Variants in RBM44 observed in about 807,000 individuals in gnomAD.
RBM44 encodes the protein RNA-binding protein 44.
A neutral mutation model predicts 105.1 loss-of-function variants in RBM44; 66 were observed. That is an observed-to-expected ratio of 0.63 (90% CI 0.52 to 0.77). The LOEUF (loss-of-function observed/expected upper bound fraction) is 0.77, where lower values mean the gene tolerates loss of function less well. RBM44 is among the 30% of genes least tolerant of loss of function. The pLI is 0.00. For missense variants in RBM44, 1,122 were observed against 1,207.8 expected (o/e 0.93, Z 1.05); for synonymous variants, 365 against 417.6 (o/e 0.87, Z 1.54).
intron 13 of RBM44, among the ~76,000 whole-genome samples, chr2:237,833,650 A>C (rs1281742072): frequency 1.3e-5 from 2 of 152,204 alleles, no homozygotes; most frequent in Non-Finnish European, 2.9e-5. Flanking sequence ...TGTGCATCCA[A>C]AATGAAACTA....
chr2:237,805,393 G>C (rs1481016731), intron 1 of RBM44, among the ~76,000 whole-genome samples: 1 of 152,130 alleles, frequency 6.6e-6, no homozygotes, highest in African/African-American at 2.4e-5. Context: ...AATAAATATT[G>C]TAAAAATGGC....
chr2:237,800,368 C>T (rs1205720961), intron 1 of RBM44, among the ~76,000 whole-genome samples: 2 of 152,024 alleles, frequency 1.3e-5, no homozygotes, highest in African/African-American at 4.8e-5. Flanking sequence ...GATAATAGAC[C>T]TCTATCGCAT....
intron 10 of RBM44, among the ~76,000 whole-genome samples, chr2:237,825,467 A>C (rs989716125): frequency 2.2e-4 from 34 of 152,180 alleles, no homozygotes; most frequent in African/African-American, 8.0e-4. Flanking sequence ...CAGCCTCCTG[A>C]AGTGCTGGGA....
At chr2:237,839,464 T>C (rs541282214) in intron 15 of RBM44, among the ~76,000 whole-genome samples, 1 of 152,124 alleles carries the variant, frequency 6.6e-6, no homozygotes, top group Non-Finnish European at 1.5e-5. Flanking sequence ...AGAGACGGGG[T>C]TTCACCATGT....
intron 13 of RBM44, among the ~76,000 whole-genome samples, chr2:237,830,124 T>C (rs80255280): frequency 0.013 from 2,006 of 152,314 alleles, 48 homozygotes; most frequent in African/African-American, 0.046. Flanking sequence ...GAGAATTATC[T>C]TGTGCTCTGA....
chr2:237,837,841 C>G (rs1464379027), intron 15 of RBM44, among the ~76,000 whole-genome samples: 4 of 151,284 alleles, frequency 2.6e-5, no homozygotes, highest in Non-Finnish European at 5.9e-5. Flanking sequence ...CAGTCTACTA[C>G]TGGTGAACAT....
Position 237,803,303 on chromosome 2 carries a change from A to ACACACACACACACACATACTCTCTCTCT in RBM44, c.-19+4457_-19+4484dup, listed in dbSNP as rs2150966038. On this transcript the variant is annotated intron_variant, in intron 1 of 15. Transcript: ENST00000316997. This position sits in a 1 kb window ranked among gnomAD's most constrained non-coding sequence, Gnocchi z 4.2. ...CTCTGTCTCTGGGTGACAGAGCGAG[A>ACACACACACACACACATACTCTCTCTCT]CACACACACACACACATACTCTCTC... 7.3e-6 allele frequency among the ~76,000 whole-genome samples: 1 copy of ACACACACACACACACATACTCTCTCTCT among 136,074 alleles called. No homozygotes were observed. The highest frequency in any genetic ancestry group is 2.0e-4 in the East Asian group (1 of 5,098). 89.3% of individuals were successfully genotyped at this position (136,074 alleles called of 152,430 possible). A position where few individuals can be genotyped will look rare whatever the true frequency, so the allele number is the denominator to read the frequency against.
At chr2:237,832,879 C>T (rs953771810) in intron 13 of RBM44, among the ~76,000 whole-genome samples, 2 of 152,188 alleles carry the variant, frequency 1.3e-5, no homozygotes, top group African/African-American at 2.4e-5. Flanking sequence ...TTCTGAGCTT[C>T]CTTATCTTAA....
Position 237,817,525 on chromosome 2 carries a change from T to C in RBM44, c.606T>C (p.Ser202=). The C allele has an allele frequency of 6.2e-7, 1 of 1,609,882 alleles. No individual in the cohort carries two copies. Residue 202 remains serine, a synonymous_variant, in exon 3 of 16, where the codon TCT becomes TCC. Coordinates refer to ENST00000316997, the MANE Select transcript of RBM44 (RefSeq NM_001080504.3). ...EEQEYISNHL[S]FDQTKALDIS... ...AAGAATACATAAGTAACCATTTATC[T>C]TTTGACCAAACAAAAGCATTAGATA...
intron 2 of RBM44, among the ~76,000 whole-genome samples, chr2:237,815,380 C>G (rs905606884): frequency 6.6e-6 from 1 of 152,038 alleles, no homozygotes; most frequent in Non-Finnish European, 1.5e-5. Context: ...TTATCCTCAT[C>G]GTCCTCCTCA....
chr2:237,813,160 C>T (rs2061675775), intron 1 of RBM44, among the ~76,000 whole-genome samples: 1 of 152,170 alleles, frequency 6.6e-6, no homozygotes. Context: ...TACTAATATA[C>T]TTTCTCTATA....
chr2:237,825,892 T>C (rs1333323535), intron 10 of RBM44, among the ~76,000 whole-genome samples: 2 of 152,156 alleles, frequency 1.3e-5, no homozygotes, highest in Non-Finnish European at 2.9e-5. Context: ...TTCAAAGAGA[T>C]TAACAAATAA....
At chr2:237,838,561 AT>A (rs2061981333) in intron 15 of RBM44, among the ~76,000 whole-genome samples, 1 of 152,208 alleles carries the variant, frequency 6.6e-6, no homozygotes, top group Non-Finnish European at 1.5e-5. Context: ...GAAAATACTA[AT>A]ACATAAGTTG....
chr2:237,819,947 A>G (rs1423751903), intron 4 of RBM44, among the ~76,000 whole-genome samples: 1 of 151,980 alleles, frequency 6.6e-6, no homozygotes, highest in Admixed American at 6.6e-5. Flanking sequence ...AAAAGAAAGT[A>G]TGAATTTGAG....
At position 237,823,554 on chromosome 2, in the gene RBM44, G is replaced by C; in HGVS notation, c.2320G>C (p.Asp774His). ...TAGTCAACTGAAACTTGGTGATAAA[G>C]GTTAGTATAAAAATGTGTTATCTTG... ...DFSQLKLGDK[D>H]CRHYQETSED... The change falls in exon 9 of 16, where the codon GAC (aspartate) becomes CAC (histidine). Residue 774 changes from aspartate to histidine, a missense_variant and splice_region_variant. Coordinates refer to ENST00000316997, the MANE Select transcript of RBM44 (RefSeq NM_001080504.3). 7.3e-7 allele frequency: 1 copy of C among 1,361,710 alleles called. No individual in the cohort carries two copies. The highest frequency in any genetic ancestry group is 1.3e-5 in the South Asian group (1 of 79,650). 84.4% of individuals were successfully genotyped at this position (1,361,710 alleles called of 1,614,324 possible).
intron 10 of RBM44, among the ~76,000 whole-genome samples, chr2:237,827,037 AG>A (rs1267478444): frequency 6.6e-6 from 1 of 152,182 alleles, no homozygotes; most frequent in Non-Finnish European, 1.5e-5. Context: ...CAGCCTCTTT[AG>A]TTTTTAAGAT....
rs777398519 is a variant in RBM44, at chr2:237,818,585, T to A, written c.1666T>A (p.Phe556Ile). ...SVDSLKPNGNFLNKDFLELRK... is the reference protein window; with the variant it reads ...SVDSLKPNGNILNKDFLELRK... Reference sequence around the variant, plus strand: ...TGACAGTTTAAAACCTAATGGAAATTTTCTAAATAAGGTAAAATCAATATG... The same window carrying A: ...TGACAGTTTAAAACCTAATGGAAATATTCTAAATAAGGTAAAATCAATATG... Residue 556 changes from phenylalanine to isoleucine, a missense_variant, in exon 3 of 16, where the codon TTT becomes ATT. This residue lies in a region of RBM44 where 918 missense variants were observed against 955.3 expected (regional missense o/e 0.96). Coordinates refer to ENST00000316997, the MANE Select transcript of RBM44 (RefSeq NM_001080504.3). This position sits in a 1 kb window ranked among gnomAD's most constrained non-coding sequence, Gnocchi z 4.6. 1 of 1,529,662 alleles carries A rather than the reference T, an allele frequency of 6.5e-7. No individual in the cohort carries two copies. Among genetic ancestry groups the A allele is most frequent in the South Asian group, 1.3e-5 (1 of 77,586 alleles). The allele number at this position is 1,529,662 out of a possible 1,614,324, so 94.8% of individuals were successfully genotyped here.
chr2:237,831,501 T>C (rs996861553), intron 13 of RBM44, among the ~76,000 whole-genome samples: 1 of 152,156 alleles, frequency 6.6e-6, no homozygotes, highest in African/African-American at 2.4e-5. Context: ...CAGGCTCATC[T>C]TGAATTCCTG....
At chr2:237,807,240 C>A (rs1358116892) in intron 1 of RBM44, among the ~76,000 whole-genome samples, 1 of 152,128 alleles carries the variant, frequency 6.6e-6, no homozygotes, top group East Asian at 1.9e-4. Context: ...CCTCTACCTC[C>A]CAGGTTCAAG....
Sources: gnomAD v4.1 joint callset for allele counts (sites outside exome capture counted in the v4.1 genomes callset) on GRCh38, gnomAD v4.1.1 for gene constraint, gnomAD v4.1.1 regional missense constraint, Gnocchi (gnomAD v3.1) non-coding constraint, MANE v1.5 for transcripts, NCBI Gene and HGNC (gene_info 2026-07-23, HGNC 2026-07-21) for gene names.